TENM1: variants seen among roughly 807,000 people sequenced by gnomAD.
TENM1 encodes the protein teneurin transmembrane protein 1.
A neutral mutation model predicts 174.8 loss-of-function variants in TENM1; 35 were observed. That is an observed-to-expected ratio of 0.20 (90% CI 0.15 to 0.27). The LOEUF (loss-of-function observed/expected upper bound fraction) is 0.27. TENM1 is among the 10% of genes least tolerant of loss of function. The pLI is 1.00. For missense variants in TENM1, 1,633 were observed against 2,130.1 expected (o/e 0.77, Z 4.59); for synonymous variants, 781 against 798.7 (o/e 0.98, Z 0.37).
At chrX:125,116,784 G>T in the TENM1 span, among the ~76,000 whole-genome samples, 1 of 111,716 alleles carries the variant, frequency 9.0e-6, no homozygotes, top group Non-Finnish European at 1.9e-5. Context: ...GGCCAATGCG[G>T]GTGGATCTCG....
In TENM1 at chrX:124,452,876, G is replaced by C. The variant is rs749952430; in HGVS notation, c.4104+461C>G. ...CACCCTGTTGTGGGGTGGGGGGAGG[G>C]GGGAGGGATAACTTTAGGAGATATA... is the stretch of plus-strand genomic sequence containing the variant. On this transcript the variant is annotated intron_variant, in intron 23 of 31. Transcript: ENST00000422452. 1.2e-4 allele frequency among the ~76,000 whole-genome samples: 8 copies of C among 69,447 alleles called. No homozygotes were observed. The South Asian group carries it at 0.01, about 88-fold the overall frequency. 60.3% of individuals were successfully genotyped at this position (69,447 alleles called of 115,157 possible). A position where few individuals can be genotyped will look rare whatever the true frequency, so the allele number is the denominator to read the frequency against.
At chrX:124,929,687 C>T (rs2058141432) in intron 1 of TENM1, among the ~76,000 whole-genome samples, 1 of 111,700 alleles carries the variant, frequency 9.0e-6, no homozygotes, top group African/African-American at 3.3e-5. Flanking sequence ...CAATAATTTA[C>T]TGTAAATTTC....
intron 11 of TENM1, among the ~76,000 whole-genome samples, chrX:124,581,092 T>A (rs1440148130): frequency 1.1e-5 from 1 of 87,735 alleles, no homozygotes; most frequent in Non-Finnish European, 2.2e-5. Context: ...TGAGGTGGAG[T>A]CTTGCTCTGT....
chrX:124,512,080 C>T (rs1413959525), intron 18 of TENM1, among the ~76,000 whole-genome samples: 1 of 111,689 alleles, frequency 9.0e-6, no homozygotes, highest in African/African-American at 3.3e-5. Context: ...CAAACTGCTG[C>T]AATTTAATTT....
At chrX:124,740,409 T>C (rs769133768) in intron 3 of TENM1, among the ~76,000 whole-genome samples, 7 of 107,217 alleles carry the variant, frequency 6.5e-5, no homozygotes, top group Non-Finnish European at 1.3e-4. Context: ...AAAATTTTAC[T>C]TCATTGAAAA....
chrX:124,872,355 C>T (rs146182251), intron 3 of TENM1, among the ~76,000 whole-genome samples: 403 of 112,002 alleles, frequency 3.6e-3, no homozygotes, highest in African/African-American at 0.012. Flanking sequence ...GCAGGCTACA[C>T]AATCTCTCCA....
the TENM1 span, among the ~76,000 whole-genome samples, chrX:125,045,759 CA>C: frequency 8.9e-6 from 1 of 111,772 alleles, no homozygotes; most frequent in Non-Finnish European, 1.9e-5. Context: ...TAATCGTCAC[CA>C]GTCAGCCCCA....
exon 32 of TENM1, chrX:124,375,908 C>T (rs1056856997): frequency 1.5e-4 from 17 of 112,487 alleles, no homozygotes; most frequent in African/African-American, 5.2e-4. Flanking sequence ...ACACATTTTT[C>T]ATTGGCAATT....
intron 5 of TENM1, among the ~76,000 whole-genome samples, chrX:124,686,803 C>T (rs1028702276): frequency 8.9e-6 from 1 of 111,960 alleles, no homozygotes; most frequent in Non-Finnish European, 1.9e-5. Flanking sequence ...GACAAATCCA[C>T]AGCCAATAAC....
At chrX:124,817,868 C>T (rs1375169544) in intron 3 of TENM1, among the ~76,000 whole-genome samples, 1 of 111,645 alleles carries the variant, frequency 9.0e-6, no homozygotes, top group Non-Finnish European at 1.9e-5. Flanking sequence ...AATGTTATGG[C>T]ATTATTTATA....
intron 3 of TENM1, among the ~76,000 whole-genome samples, chrX:124,862,838 G>A (rs998463111): frequency 1.8e-5 from 2 of 108,423 alleles, no homozygotes; most frequent in Admixed American, 1.0e-4. Flanking sequence ...ACCCCAGGCT[G>A]CACAGATCAC....
At chrX:124,481,951 G>A in exon 22 of TENM1, 1 of 1,173,580 alleles carries the variant, frequency 8.5e-7, no homozygotes, top group Non-Finnish European at 1.1e-6. Context: ...TAGTATTTGT[G>A]AGCAGGACTT....
the TENM1 span, among the ~76,000 whole-genome samples, chrX:125,048,837 G>C: frequency 9.0e-6 from 1 of 111,369 alleles, no homozygotes; most frequent in African/African-American, 3.3e-5. Context: ...GTTCAAGATG[G>C]TTACCTAGAT....
chrX:125,174,577 T>C, the TENM1 span, among the ~76,000 whole-genome samples: 1 of 111,496 alleles, frequency 9.0e-6, no homozygotes, highest in Non-Finnish European at 1.9e-5. Context: ...AAAATATATC[T>C]ACCAGACTCA....
At chrX:124,555,047 T>G (rs1252110694) in intron 14 of TENM1, among the ~76,000 whole-genome samples, 1 of 112,018 alleles carries the variant, frequency 8.9e-6, no homozygotes, top group Non-Finnish European at 1.9e-5. Flanking sequence ...ATTTCCACAA[T>G]ATCAGAGACC....
At chrX:124,399,325 G>C (rs2147649766) in intron 27 of TENM1, among the ~76,000 whole-genome samples, 1 of 112,213 alleles carries the variant, frequency 8.9e-6, no homozygotes, top group African/African-American at 3.2e-5. Flanking sequence ...TTCAAGGAAT[G>C]CTAATTGCTG....
chrX:125,049,597 C>T, the TENM1 span, among the ~76,000 whole-genome samples: 1 of 111,877 alleles, frequency 8.9e-6, no homozygotes, highest in East Asian at 2.8e-4. Flanking sequence ...TAACTTTTTG[C>T]TTGTGAGGCA....
chrX:125,084,717 G>A, the TENM1 span, among the ~76,000 whole-genome samples: 10 of 111,099 alleles, frequency 9.0e-5, no homozygotes, highest in Admixed American at 9.6e-4. Flanking sequence ...TCACCATACT[G>A]CTTAATGATA....
chrX:125,173,861 G>A, the TENM1 span, among the ~76,000 whole-genome samples: 1 of 111,664 alleles, frequency 9.0e-6, no homozygotes, highest in East Asian at 2.8e-4. Context: ...CCTGCTATGG[G>A]CAAGGCCACA....
Sources: allele counts gnomAD v4.1 joint callset (sites outside exome capture counted in the v4.1 genomes callset), GRCh38; gene constraint gnomAD v4.1.1; transcripts MANE v1.5; gene names NCBI Gene and HGNC (gene_info 2026-07-23, HGNC 2026-07-21).